MIS18BP1: variants seen among roughly 807,000 people sequenced by gnomAD.
MIS18BP1 encodes mis18-binding protein 1.
In MIS18BP1, 72 loss-of-function variants were observed where a neutral mutation model predicts 116.1. The observed-to-expected ratio is 0.62, with a 90% CI of 0.51 to 0.75. The LOEUF is 0.75. MIS18BP1 is among the 30% of genes least tolerant of loss of function. The probability of loss-of-function intolerance (pLI) is 0.00; values close to 1 mark genes in which losing one functional copy is unlikely to be tolerated. For missense variants in MIS18BP1, 1,363 were observed against 1,303.2 expected, an observed-to-expected ratio of 1.05 and a Z score of -0.71; for synonymous variants, 386 against 427.0, an observed-to-expected ratio of 0.90 and a Z score of 1.18.
chr14:45,229,716 C>T (rs910413192), intron 8 of MIS18BP1, among the ~76,000 whole-genome samples: 2 of 152,060 alleles, frequency 1.3e-5, no homozygotes, highest in African/African-American at 4.8e-5. Flanking sequence ...AGAACCAAGA[C>T]TAAAGACCAA....
intron 8 of MIS18BP1, among the ~76,000 whole-genome samples, chr14:45,228,027 T>G (rs1260171647): frequency 1.3e-5 from 2 of 151,946 alleles, no homozygotes; most frequent in African/African-American, 4.8e-5. Flanking sequence ...GAATAAAAGG[T>G]TGGTGCAAGC....
intron 14 of MIS18BP1, 196 bp downstream of exon 14, chr14:45,210,184 A>G (rs1392834833): frequency 4.0e-6 from 2 of 495,076 alleles, no homozygotes; most frequent in Non-Finnish European, 6.9e-6. Flanking sequence ...AATGTGGGTT[A>G]TATCACAATG....
rs943701856 is a variant in MIS18BP1, at chr14:45,247,379, T to C, written c.-91-2A>G. The stretch of plus-strand genomic sequence containing the variant: ...ACTTCAGAAGGGATCCACAGAAACC[T>C]GTAGTTCAACGTAAAATCAGCCTTT... On this transcript the variant is annotated splice_acceptor_variant, in intron 1 of 16. Transcript: ENST00000310806. LOFTEE classifies it low-confidence loss of function (5UTR_SPLICE). The C allele has an allele frequency of 4.6e-6, 5 of 1,079,496 alleles. No individual in the cohort carries two copies. The highest frequency in any genetic ancestry group is 1.6e-5 in the African/African-American group (1 of 62,924). The allele number at this position is 1,079,496 out of a possible 1,614,324, so 66.9% of individuals were successfully genotyped here. A position where few individuals can be genotyped will look rare whatever the true frequency, so the allele number is the denominator to read the frequency against.
In MIS18BP1 at chr14:45,237,276, G is replaced by C. The variant is rs1004238659; in HGVS notation, c.1217+372C>G. Reference sequence around the variant, plus strand: ...TAATTTTGATTCCTTTTCTGGATCAGTAATTTATATCTGGTTGTCCCAATT... The same window carrying C: ...TAATTTTGATTCCTTTTCTGGATCACTAATTTATATCTGGTTGTCCCAATT... On this transcript the variant is annotated intron_variant, in intron 5 of 16. Coordinates refer to ENST00000310806, the MANE Select transcript of MIS18BP1 (RefSeq NM_018353.5). 2.6e-5 allele frequency among the ~76,000 whole-genome samples: 4 copies of C among 152,280 alleles called. No individual in the cohort carries two copies. In the South Asian group the frequency reaches 8.3e-4, roughly 32 times the overall value.
At chr14:45,234,930 A>C (rs975050825) in intron 6 of MIS18BP1, among the ~76,000 whole-genome samples, 7 of 152,204 alleles carry the variant, frequency 4.6e-5, no homozygotes, top group African/African-American at 1.7e-4. Context: ...AAACTCACAC[A>C]AATTAGGCTG....
chr14:45,208,502 T>C (rs902981013), intron 14 of MIS18BP1, among the ~76,000 whole-genome samples: 5 of 151,944 alleles, frequency 3.3e-5, no homozygotes, highest in African/African-American at 4.8e-5. Flanking sequence ...CCGGCTAATT[T>C]TTTGTATTTT....
At chr14:45,251,579 A>G (rs1170763433) in intron 1 of MIS18BP1, among the ~76,000 whole-genome samples, 1 of 152,244 alleles carries the variant, frequency 6.6e-6, no homozygotes, top group African/African-American at 2.4e-5. Context: ...AAACTGGGAC[A>G]TAGAATTAGG....
rs1205679742 is a variant in MIS18BP1 at position 45,203,566 on chromosome 14, ACAAT to A, written c.*539_*542del. On this transcript the variant is annotated 3_prime_UTR_variant, in exon 17 of 17. Transcript: ENST00000310806. ...TGCCTATCACAAGTTTAAAATAAAA[ACAAT>A]CAGGAGAGAAGCATGTCAACAATGT... 1.3e-5 allele frequency: 2 copies of A among 152,182 alleles called. No homozygotes were observed. The highest frequency in any genetic ancestry group is 2.9e-5 in the Non-Finnish European group (2 of 68,004). 9.4% of individuals were successfully genotyped at this position (152,182 alleles called of 1,614,324 possible). A position where few individuals can be genotyped will look rare whatever the true frequency, so the allele number is the denominator to read the frequency against.
chr14:45,225,660 A>G lies in MIS18BP1; in HGVS notation c.1841-914T>C, dbSNP rs138822478. Among the ~76,000 whole-genome samples the G allele has an allele frequency of 2.9e-3, 439 of 152,320 alleles. 5 individuals carry two copies. The highest frequency in any genetic ancestry group is 0.021 in the Admixed American group (318 of 15,302). ...CCATGAAGTACAAAACAAGCAAAAG[A>G]GAACAACCTGAGAATCTTATATCTT... On this transcript the variant is annotated intron_variant, in intron 10 of 16. Transcript: ENST00000310806.
At chr14:45,240,115 G>C (rs1274612888) in intron 4 of MIS18BP1, among the ~76,000 whole-genome samples, 2 of 152,024 alleles carry the variant, frequency 1.3e-5, no homozygotes, top group Admixed American at 1.3e-4. Context: ...ACATATTGGA[G>C]AGCTATCAGC....
intron 11 of MIS18BP1, among the ~76,000 whole-genome samples, chr14:45,223,039 C>T (rs751903449): frequency 6.6e-6 from 1 of 152,146 alleles, no homozygotes; most frequent in African/African-American, 2.4e-5. Context: ...TGCAGGATTG[C>T]ATGGGGACTG....
At chr14:45,241,869 C>T in intron 4 of MIS18BP1, 165 bp downstream of exon 4, 1 of 724,360 alleles carries the variant, frequency 1.4e-6, no homozygotes, top group South Asian at 1.9e-5. Flanking sequence ...GTCACACTGT[C>T]ACTGCAGTAA....
chr14:45,206,252 C>A, intron 14 of MIS18BP1, 82 bp from the exon 15 acceptor site: 1 of 901,376 alleles, frequency 1.1e-6, no homozygotes, highest in Non-Finnish European at 1.7e-6. Flanking sequence ...ATACTTTTAA[C>A]CACAGGTTGA....
At chr14:45,223,710 GCTTTCCTCGTA>G (rs1312611104) in intron 11 of MIS18BP1, among the ~76,000 whole-genome samples, 197 bp downstream of exon 11, 4 of 152,128 alleles carry the variant, frequency 2.6e-5, no homozygotes, top group Non-Finnish European at 4.4e-5. Flanking sequence ...TCATACTTAG[GCTTTCCTCGTA>G]CTTTCCTCGT....
intron 11 of MIS18BP1, among the ~76,000 whole-genome samples, chr14:45,221,754 A>G (rs1445441654): frequency 6.6e-6 from 1 of 152,252 alleles, no homozygotes; most frequent in East Asian, 1.9e-4. Flanking sequence ...TGTGAATCAT[A>G]CGAATGACTG....
intron 11 of MIS18BP1, among the ~76,000 whole-genome samples, chr14:45,219,766 A>C (rs1890922649): frequency 6.6e-6 from 1 of 152,224 alleles, no homozygotes; most frequent in South Asian, 2.1e-4. Context: ...AAAGTGAACA[A>C]CTAGAAGGAC....
In MIS18BP1 at chr14:45,226,876, A is replaced by G. The variant is rs745365769; in HGVS notation, c.1747-40T>C. ...GATACCTAGGTTTTATTTTAAAACT[A>G]CTACCAAAACATGATCTGAAGCATT... On this transcript the variant is annotated intron_variant, in intron 9 of 16. Coordinates refer to ENST00000310806, the MANE Select transcript of MIS18BP1 (RefSeq NM_018353.5). The G allele has an allele frequency of 2.3e-6, 3 of 1,281,432 alleles. No individual in the cohort carries two copies. In the East Asian group the frequency reaches 9.4e-5, roughly 40 times the overall value. 79.4% of individuals were successfully genotyped at this position (1,281,432 alleles called of 1,614,324 possible).
intron 13 of MIS18BP1, among the ~76,000 whole-genome samples, chr14:45,212,712 T>C (rs1434328179): frequency 1.3e-5 from 2 of 152,150 alleles, no homozygotes; most frequent in African/African-American, 4.8e-5. Context: ...ATCCGACTGG[T>C]AAGGGAGAAA....
Position 45,232,570 on chromosome 14 carries a change from G to A in MIS18BP1, c.1436+163C>T, listed in dbSNP as rs113581034. 1,649 of 603,040 alleles carry A rather than the reference G, an allele frequency of 2.7e-3. 31 individuals are homozygous for A. Among genetic ancestry groups the A allele is most frequent in the African/African-American group, 0.027 (1,427 of 53,474 alleles). The allele number at this position is 603,040 out of a possible 1,614,324, so 37.4% of individuals were successfully genotyped here. ...AACACTTTGGGAGGCTGAGACAGGC[G>A]GATCACTTGTAGCCAGGAGTTCGAG... is the stretch of plus-strand genomic sequence containing the variant. On this transcript the variant is annotated intron_variant, in intron 7 of 16. Transcript: ENST00000310806.
Sources: allele counts gnomAD v4.1 joint callset (sites outside exome capture counted in the v4.1 genomes callset), GRCh38; gene constraint gnomAD v4.1.1; transcripts MANE v1.5; gene names NCBI Gene and HGNC (gene_info 2026-07-23, HGNC 2026-07-21).